The following FANCI variants were observed in gnomAD, a reference collection of about 807,000 sequenced individuals.
FANCI encodes the protein FA complementation group I.
Under a neutral mutation model 176.1 loss-of-function variants are expected in FANCI, and 156 were observed. That is an observed-to-expected ratio of 0.89 (90% CI 0.78 to 1.01). FANCI has a LOEUF of 1.01. FANCI is among the 50% of genes least tolerant of loss of function. The pLI, the probability that FANCI is intolerant of heterozygous loss-of-function variation, is 0.00. For missense variants in FANCI, 1,678 were observed against 1,534.1 expected (o/e 1.09, Z -1.57); for synonymous variants, 613 against 541.7 (o/e 1.13, Z -1.83).
At chr15:89,298,843 T>G (rs1297258311) in intron 24 of FANCI, among the ~76,000 whole-genome samples, 1 of 152,188 alleles carries the variant, frequency 6.6e-6, no homozygotes, top group Non-Finnish European at 1.5e-5. Flanking sequence ...TTAAGTTTAA[T>G]GGACAGATTT....
rs748087226 is a variant in FANCI, at chr15:89,306,083, T to C, written c.3426T>C (p.Leu1142=). ...KAIIMQLGTL[L]TFFHELVQTA... ...TCATCATGCAACTGGGAACTCTGCT[T>C]ACATTTTTCCACGAGCTGGTGCAGA... is the stretch of plus-strand genomic sequence containing the variant. The change falls in exon 32 of 38, where the codon CTT becomes CTC. Residue 1142 remains leucine (L), a synonymous_variant. Coordinates refer to ENST00000310775, the MANE Select transcript of FANCI (RefSeq NM_001113378.2). 5.0e-6 allele frequency: 8 copies of C among 1,614,236 alleles called. No homozygotes were observed. The highest frequency in any genetic ancestry group is 6.8e-6 in the Non-Finnish European group (8 of 1,180,050).
chr15:89,251,138 A>G (rs1417485745), intron 2 of FANCI, among the ~76,000 whole-genome samples: 3 of 152,222 alleles, frequency 2.0e-5, no homozygotes, highest in Non-Finnish European at 4.4e-5. Flanking sequence ...AATACTGTTA[A>G]TACAGAGAAA....
chr15:89,296,061 C>A (rs537241451), intron 24 of FANCI, among the ~76,000 whole-genome samples: 2 of 152,068 alleles, frequency 1.3e-5, no homozygotes, highest in Non-Finnish European at 2.9e-5. Flanking sequence ...TCGGCCTCCC[C>A]GGTTCAAGTG....
At chr15:89,302,852 T>C (rs1313315475) in intron 27 of FANCI, among the ~76,000 whole-genome samples, 1 of 152,122 alleles carries the variant, frequency 6.6e-6, no homozygotes, top group Non-Finnish European at 1.5e-5. Context: ...GGATTACAGG[T>C]GTGAGCCACC....
chr15:89,249,488 C>G (rs917058087), intron 2 of FANCI, among the ~76,000 whole-genome samples: 11 of 152,102 alleles, frequency 7.2e-5, no homozygotes, highest in Non-Finnish European at 1.2e-4. Flanking sequence ...GCTGGGAGTA[C>G]AAGCATGTGC....
chr15:89,246,605 C>CT (rs2051983907), intron 1 of FANCI, among the ~76,000 whole-genome samples: 1 of 152,080 alleles, frequency 6.6e-6, no homozygotes, highest in South Asian at 2.1e-4. Flanking sequence ...TGATACCCTT[C>CT]TCCATAATGT....
intron 9 of FANCI, among the ~76,000 whole-genome samples, chr15:89,266,685 G>A (rs2052977207): frequency 6.6e-6 from 1 of 151,756 alleles, no homozygotes; most frequent in African/African-American, 2.4e-5. Context: ...TGTTGCCCAG[G>A]CTGGTCTTGA....
chr15:89,273,138 A>AAAAAATT (rs1000779308), intron 10 of FANCI, among the ~76,000 whole-genome samples: 2 of 151,868 alleles, frequency 1.3e-5, no homozygotes, highest in Non-Finnish European at 2.9e-5. Flanking sequence ...CATCTCTCCA[A>AAAAAATT]AAAAATTAAA....
Position 89,315,342 on chromosome 15 carries a change from A to G in FANCI, c.3877A>G (p.Ile1293Val), listed in dbSNP as rs750455729. 1.2e-6 allele frequency: 2 copies of G among 1,614,070 alleles called. No individual in the cohort carries two copies. Among genetic ancestry groups the G allele is most frequent in the Non-Finnish European group, 8.5e-7 (1 of 1,179,922 alleles). Residue 1293 changes from isoleucine to valine, a missense_variant, in exon 37 of 38, where the codon ATC (isoleucine) becomes GTC (valine). Around this residue, in one of 3 missense-constraint regions of FANCI, gnomAD observed 1,204 missense variants for 1,077.4 expected, o/e 1.12. Transcript: ENST00000310775. ...TSRDFKIKGNILDMVLREDGE... is the reference protein window; with the variant it reads ...TSRDFKIKGNVLDMVLREDGE... The stretch of plus-strand genomic sequence containing the variant: ...ACGAGACTTCAAGATCAAAGGAAAC[A>G]TCCTAGACATGGTTCTTCGAGAGGA...
At chr15:89,301,561 T>C (rs2054524764) in intron 27 of FANCI, 119 bp downstream of exon 27, 1 of 801,248 alleles carries the variant, frequency 1.2e-6, no homozygotes, top group Admixed American at 1.7e-5. Flanking sequence ...ATAATGTGTT[T>C]AATTATACAC....
At chr15:89,258,616 A>G (rs1184879474) in intron 2 of FANCI, 88 bp from the exon 3 acceptor site, 5 of 973,458 alleles carry the variant, frequency 5.1e-6, no homozygotes, top group Non-Finnish European at 8.4e-6. Context: ...TCTGAACGTG[A>G]CAGAAGAGTA....
At chr15:89,251,092 T>C (rs59815555) in intron 2 of FANCI, among the ~76,000 whole-genome samples, 5,915 of 151,902 alleles carry the variant, frequency 0.039, 356 homozygotes, top group African/African-American at 0.13. Context: ...AACAGTGGAG[T>C]AAAAACATGC....
intron 27 of FANCI, among the ~76,000 whole-genome samples, chr15:89,302,201 C>T (rs1392762389): frequency 2.0e-5 from 3 of 152,180 alleles, no homozygotes; most frequent in Non-Finnish European, 4.4e-5. Flanking sequence ...GCCCTTGCCT[C>T]AGAAGACTGT....
intron 10 of FANCI, among the ~76,000 whole-genome samples, chr15:89,272,765 A>G (rs1271340352): frequency 6.6e-6 from 1 of 151,960 alleles, no homozygotes; most frequent in Non-Finnish European, 1.5e-5. Context: ...CGCCTCCCAG[A>G]TTCAAGTGAT....
intron 34 of FANCI, among the ~76,000 whole-genome samples, chr15:89,308,457 CAA>C (rs1266675054): frequency 1.3e-5 from 2 of 152,172 alleles, no homozygotes; most frequent in East Asian, 1.9e-4. Context: ...TTTGAGGAAT[CAA>C]AGAGAATGGG....
At chr15:89,292,270 G>A (rs928547391) in intron 20 of FANCI, among the ~76,000 whole-genome samples, 6 of 152,174 alleles carry the variant, frequency 3.9e-5, no homozygotes, top group African/African-American at 1.4e-4. Context: ...CTTCATTTTT[G>A]TGCCTTCTGT....
chr15:89,286,468 A>T (rs1283907216), intron 18 of FANCI, among the ~76,000 whole-genome samples: 1 of 152,220 alleles, frequency 6.6e-6, no homozygotes, highest in Admixed American at 6.5e-5. Context: ...CATATGTGAA[A>T]ACAACATTCA....
rs144057126 is a variant in FANCI, at chr15:89,299,275, A to G, written c.2637-525A>G. ...ATTTGTGGTTCAAACTTTTTTCACA[A>G]AACTTAAGATCTAGGTCTATTCCGT... On this transcript the variant is annotated intron_variant, in intron 24 of 37. Coordinates refer to ENST00000310775, the MANE Select transcript of FANCI (RefSeq NM_001113378.2). 2.7e-3 allele frequency among the ~76,000 whole-genome samples: 405 copies of G among 152,278 alleles called. 7 individuals are homozygous for G. The highest frequency in any genetic ancestry group is 0.015 in the East Asian group (76 of 5,186).
At position 89,307,601 on chromosome 15, in the gene FANCI, C is replaced by CT; in HGVS notation, c.3592-10dup. On this transcript the variant is annotated splice_polypyrimidine_tract_variant and intron_variant, in intron 33 of 37. Transcript: ENST00000310775. ...GCTGGTTACATTGGTTTCCTTCTCCCTTGTTGTGCAGGTGAAGCTGTCTGG... is the reference window on the plus strand; with the variant it reads ...GCTGGTTACATTGGTTTCCTTCTCCCTTTGTTGTGCAGGTGAAGCTGTCTGG... 1 of 1,614,096 alleles carries CT rather than the reference C, an allele frequency of 6.2e-7. No homozygotes were observed. The highest frequency in any genetic ancestry group is 8.5e-7 in the Non-Finnish European group (1 of 1,180,008).
Sources: gnomAD v4.1 joint callset for allele counts (sites outside exome capture counted in the v4.1 genomes callset) on GRCh38, gnomAD v4.1.1 for gene constraint, gnomAD v4.1.1 regional missense constraint, MANE v1.5 for transcripts, NCBI Gene and HGNC (gene_info 2026-07-23, HGNC 2026-07-21) for gene names.